Variants in KCND2 observed in about 807,000 individuals in gnomAD.
KCND2 encodes the protein potassium voltage-gated channel subfamily D member 2.
A neutral mutation model predicts 54.4 loss-of-function variants in KCND2; 16 were observed. The observed-to-expected ratio is 0.29, with a 90% CI of 0.20 to 0.45. The LOEUF is 0.45. Ranked by LOEUF, KCND2 falls within the 20% of genes least tolerant of loss-of-function variation. KCND2 has a pLI of 1.00. For synonymous variants in KCND2, 317 were observed against 310.7 expected (o/e 1.02, Z -0.21); for missense variants, 486 against 824.2 (o/e 0.59, Z 5.02).
chr7:120,520,408 T>G (rs1038507964), intron 1 of KCND2, among the ~76,000 whole-genome samples: 2 of 152,188 alleles, frequency 1.3e-5, no homozygotes, highest in African/African-American at 4.8e-5. Context: ...TATCTCACTG[T>G]ATCTATATGT....
At chr7:120,625,945 A>G (rs1297292274) in intron 1 of KCND2, among the ~76,000 whole-genome samples, 1 of 152,116 alleles carries the variant, frequency 6.6e-6, no homozygotes, top group Non-Finnish European at 1.5e-5. Context: ...ATTACTTGGG[A>G]AGAACATAAT....
chr7:120,676,075 T>G (rs533830116), intron 1 of KCND2, among the ~76,000 whole-genome samples: 1 of 152,140 alleles, frequency 6.6e-6, no homozygotes, highest in East Asian at 1.9e-4. Flanking sequence ...TGACCTCAAG[T>G]GATCTGCCTG....
At position 120,274,959 on chromosome 7, in the gene KCND2, C is replaced by T. The variant is rs764237787; in HGVS notation, c.327C>T (p.His109=). 1.9e-6 allele frequency: 3 copies of T among 1,614,108 alleles called. No homozygotes were observed. Among genetic ancestry groups the T allele is most frequent in the East Asian group, 4.5e-5 (2 of 44,856 alleles). ...CTGGGAAGCTCCACTATCCTCGCCA[C>T]GAGTGCATCTCTGCTTACGATGAAG... The part of the protein sequence containing the change: ...YRTGKLHYPR[H]ECISAYDEEL... The change falls in exon 1 of 6, where the codon CAC becomes CAT. Residue 109 remains histidine (H), a synonymous_variant. Transcript: ENST00000331113.
At chr7:120,733,189 T>C (rs1792829215) in intron 2 of KCND2, 124 bp downstream of exon 2, 2 of 873,266 alleles carry the variant, frequency 2.3e-6, no homozygotes, top group Non-Finnish European at 1.9e-6. Flanking sequence ...CAGGACCGAG[T>C]AGGTTATTCT....
intron 1 of KCND2, among the ~76,000 whole-genome samples, chr7:120,320,111 A>G (rs893686685): frequency 2.0e-5 from 3 of 152,156 alleles, no homozygotes; most frequent in South Asian, 2.1e-4. Flanking sequence ...CACTTGTACA[A>G]TAACAAACAT....
chr7:120,289,990 A>G (rs1584714554), intron 1 of KCND2, among the ~76,000 whole-genome samples: 1 of 152,186 alleles, frequency 6.6e-6, no homozygotes, highest in East Asian at 1.9e-4. Context: ...ATAAGAAAAT[A>G]AATATTTCAT....
chr7:120,518,554 A>G (rs943126938), intron 1 of KCND2, among the ~76,000 whole-genome samples: 1 of 152,218 alleles, frequency 6.6e-6, no homozygotes, highest in Non-Finnish European at 1.5e-5. Flanking sequence ...ATTCAAGAAT[A>G]AAGTTAGGTG....
At chr7:120,451,457 A>T (rs748953791) in intron 1 of KCND2, among the ~76,000 whole-genome samples, 1 of 152,216 alleles carries the variant, frequency 6.6e-6, no homozygotes, top group Non-Finnish European at 1.5e-5. Context: ...AATTAAAACA[A>T]TACAAATAAT....
chr7:120,732,952 A>C lies in KCND2; in HGVS notation c.1165A>C (p.Ile389Leu). ...CATAGCAGGGAAGATTTTTGGTTCTATCTGTTCGCTGAGTGGGGTCTTGGT... is the reference window on the plus strand; with the variant it reads ...CATAGCAGGGAAGATTTTTGGTTCTCTCTGTTCGCTGAGTGGGGTCTTGGT... ...KTIAGKIFGS[I>L]CSLSGVLVIA... is the part of the protein sequence containing the mutation. The change falls in exon 2 of 6, where the codon ATC (isoleucine) becomes CTC (leucine). Residue 389 changes from isoleucine (I) to leucine (L), a missense_variant. This residue lies in a region of KCND2 where 7 missense variants were observed against 41.0 expected (regional missense o/e 0.17). Coordinates refer to ENST00000331113, the MANE Select transcript of KCND2 (RefSeq NM_012281.3). The C allele has an allele frequency of 6.2e-7, 1 of 1,613,678 alleles. No homozygotes were observed. Among genetic ancestry groups the C allele is most frequent in the Non-Finnish European group, 8.5e-7 (1 of 1,179,732 alleles).
chr7:120,278,214 C>T (rs898229225), intron 1 of KCND2, among the ~76,000 whole-genome samples: 3 of 151,746 alleles, frequency 2.0e-5, no homozygotes, highest in Non-Finnish European at 4.4e-5. Context: ...TCTTATAAGC[C>T]CTGCCTTTTT....
chr7:120,693,263 T>C (rs893489467), intron 1 of KCND2, among the ~76,000 whole-genome samples: 4 of 152,172 alleles, frequency 2.6e-5, no homozygotes, highest in East Asian at 1.9e-4. Flanking sequence ...GGAAAAGATA[T>C]TAATAATCAT....
At chr7:120,696,744 C>A (rs1460152826) in intron 1 of KCND2, among the ~76,000 whole-genome samples, 1 of 152,162 alleles carries the variant, frequency 6.6e-6, no homozygotes, top group African/African-American at 2.4e-5. Flanking sequence ...TTTTCTTGCC[C>A]TTCTGTCTTC....
At chr7:120,358,582 A>G (rs947867208) in intron 1 of KCND2, among the ~76,000 whole-genome samples, 2 of 152,070 alleles carry the variant, frequency 1.3e-5, no homozygotes, top group Non-Finnish European at 2.9e-5. Flanking sequence ...AATATCAGCA[A>G]TATTGCTGAT....
chr7:120,729,703 T>C (rs529478404), intron 1 of KCND2, among the ~76,000 whole-genome samples: 103 of 152,318 alleles, frequency 6.8e-4, no homozygotes, highest in African/African-American at 2.3e-3. Context: ...TTGTGCCCCC[T>C]TCCTCTTCTC....
At chr7:120,479,308 A>C (rs1802570528) in intron 1 of KCND2, among the ~76,000 whole-genome samples, 1 of 152,144 alleles carries the variant, frequency 6.6e-6, no homozygotes, top group Non-Finnish European at 1.5e-5. Context: ...CAAATATGGA[A>C]CATACTCTTA....
At chr7:120,565,018 A>T (rs1225718685) in intron 1 of KCND2, among the ~76,000 whole-genome samples, 2 of 152,150 alleles carry the variant, frequency 1.3e-5, no homozygotes, top group Non-Finnish European at 2.9e-5. Flanking sequence ...CTCATTTTCC[A>T]TATTCAATTT....
At chr7:120,441,024 A>G (rs1273885400) in intron 1 of KCND2, among the ~76,000 whole-genome samples, 1 of 152,082 alleles carries the variant, frequency 6.6e-6, no homozygotes, top group East Asian at 1.9e-4. Flanking sequence ...TGAAAATAGA[A>G]CAATGCAAGA....
chr7:120,364,090 AC>A (rs1211057344), intron 1 of KCND2, among the ~76,000 whole-genome samples: 9 of 152,148 alleles, frequency 5.9e-5, no homozygotes, highest in Non-Finnish European at 4.4e-5. Flanking sequence ...CATAAGAGAT[AC>A]TCAGTAAATA....
At chr7:120,721,139 G>A (rs1376472828) in intron 1 of KCND2, among the ~76,000 whole-genome samples, 2 of 152,130 alleles carry the variant, frequency 1.3e-5, no homozygotes, top group Admixed American at 1.3e-4. Flanking sequence ...TGTTTAAGCA[G>A]GTGTACTTTT....
Sources: gnomAD v4.1 joint callset for allele counts (sites outside exome capture counted in the v4.1 genomes callset) on GRCh38, gnomAD v4.1.1 for gene constraint, gnomAD v4.1.1 regional missense constraint, MANE v1.5 for transcripts, NCBI Gene and HGNC (gene_info 2026-07-23, HGNC 2026-07-21) for gene names.